The following CRYZ variants were observed in gnomAD, a reference collection of about 807,000 sequenced individuals.
The protein encoded by CRYZ is zeta-crystallin.
Under a neutral mutation model 34.1 loss-of-function variants are expected in CRYZ, and 35 were observed. That is an observed-to-expected ratio of 1.03 (90% CI 0.78 to 1.36). The LOEUF (loss-of-function observed/expected upper bound fraction) is 1.36, where lower values mean the gene tolerates loss of function less well. CRYZ is among the 40% of genes most tolerant of loss of function. CRYZ has a pLI of 0.00. For missense variants in CRYZ, 403 were observed against 391.8 expected (o/e 1.03, Z -0.24); for synonymous variants, 137 against 136.5 (o/e 1.00, Z -0.03).
At chr1:74,720,818 T>C (rs546482904) in intron 3 of CRYZ, among the ~76,000 whole-genome samples, 10 of 152,222 alleles carry the variant, frequency 6.6e-5, no homozygotes, top group East Asian at 1.9e-4. Context: ...TTTCAAGTTA[T>C]GTGAGGCACA....
chr1:74,709,041 T>C (rs1202720196), intron 6 of CRYZ, among the ~76,000 whole-genome samples: 2 of 152,172 alleles, frequency 1.3e-5, no homozygotes, highest in East Asian at 3.9e-4. Context: ...TGGGAAGCAG[T>C]ATAAATACTT....
At chr1:74,726,206 T>C (rs1466908077) in intron 1 of CRYZ, among the ~76,000 whole-genome samples, 1 of 152,210 alleles carries the variant, frequency 6.6e-6, no homozygotes, top group Non-Finnish European at 1.5e-5. Flanking sequence ...AGCCCACATT[T>C]CCCTTCTGCA....
At chr1:74,722,990 T>C in intron 3 of CRYZ, 128 bp downstream of exon 3, 1 of 831,124 alleles carries the variant, frequency 1.2e-6, no homozygotes, top group Non-Finnish European at 1.9e-6. Context: ...ACTAGAGGAG[T>C]CCCCCGAGTG....
intron 1 of CRYZ, among the ~76,000 whole-genome samples, chr1:74,730,869 G>A (rs902762958): frequency 5.3e-5 from 8 of 152,100 alleles, no homozygotes; most frequent in African/African-American, 9.7e-5. Flanking sequence ...AGGTAGAATC[G>A]CATATTTTAT....
chr1:74,725,215 T>A (rs1557732970), intron 1 of CRYZ, among the ~76,000 whole-genome samples: 1 of 152,212 alleles, frequency 6.6e-6, no homozygotes, highest in Non-Finnish European at 1.5e-5. Context: ...TATGAAACAT[T>A]CCAAACATTT....
At position 74,727,208 on chromosome 1, in the gene CRYZ, G is replaced by A. The variant is rs141860340; in HGVS notation, c.-13-2374C>T. ...CCCACTCTAATGGTACCTATTTACC[G>A]TATTAGTTCATTTTCATATGGCTAT... On this transcript the variant is annotated intron_variant, in intron 1 of 8. Coordinates refer to ENST00000340866, the MANE Select transcript of CRYZ (RefSeq NM_001889.4). 1.6e-4 allele frequency among the ~76,000 whole-genome samples: 24 copies of A among 148,404 alleles called. No homozygotes were observed. In the East Asian group the frequency reaches 3.1e-3, roughly 19 times the overall value.
At chr1:74,722,675 T>C (rs28459619) in intron 3 of CRYZ, among the ~76,000 whole-genome samples, 12,962 of 152,032 alleles carry the variant, frequency 0.085, 845 homozygotes, top group African/African-American at 0.18. Flanking sequence ...TCCAAAACTG[T>C]ATAGTGACCT....
intron 6 of CRYZ, 118 bp downstream of exon 6, chr1:74,709,980 G>A (rs2032969): frequency 0.18 from 133,030 of 735,690 alleles, 19,834 homozygotes; most frequent in East Asian, 0.71. Flanking sequence ...AAAATTCATC[G>A]CACTGAAAAA....
chr1:74,730,290 C>A (rs1328218444), intron 1 of CRYZ: 1 of 152,208 alleles, frequency 6.6e-6, no homozygotes, highest in East Asian at 1.9e-4. Flanking sequence ...CACACTATCT[C>A]CTACTTTGCT....
intron 3 of CRYZ, among the ~76,000 whole-genome samples, 158 bp from the exon 4 acceptor site, chr1:74,719,530 C>G (rs1251022446): frequency 6.6e-6 from 1 of 151,548 alleles, no homozygotes; most frequent in Admixed American, 6.6e-5. Context: ...GAGTCTTGCA[C>G]TGTCACCCAG....
intron 1 of CRYZ, among the ~76,000 whole-genome samples, chr1:74,728,969 G>A (rs1219880679): frequency 2.0e-5 from 3 of 152,108 alleles, no homozygotes; most frequent in African/African-American, 7.2e-5. Context: ...AAACAGTCCA[G>A]TCCTACTCAG....
At chr1:74,731,516 TGG>T (rs1036450723) in intron 1 of CRYZ, among the ~76,000 whole-genome samples, 1 of 152,202 alleles carries the variant, frequency 6.6e-6, no homozygotes, top group African/African-American at 2.4e-5. Context: ...GAATTACAAG[TGG>T]TCAGAGAAAG....
In CRYZ at chr1:74,707,209, A is replaced by C. The variant is rs1646942679; in HGVS notation, c.631-5T>G. The C allele has an allele frequency of 6.9e-7, 1 of 1,443,790 alleles. No individual in the cohort carries two copies. The allele number at this position is 1,443,790 out of a possible 1,614,324, so 89.4% of individuals were successfully genotyped here. A position where few individuals can be genotyped will look rare whatever the true frequency, so the allele number is the denominator to read the frequency against. ...TCCTTTCTCACCAACATACTTCTAT[A>C]TAATAAAAGAGAAATGTAGAGTAAG... On this transcript the variant is annotated splice_region_variant and splice_polypyrimidine_tract_variant and intron_variant, in intron 6 of 8. Coordinates refer to ENST00000340866, the MANE Select transcript of CRYZ (RefSeq NM_001889.4).
intron 4 of CRYZ, 142 bp from the exon 5 acceptor site, chr1:74,714,772 A>G (rs370178975): frequency 1.4e-6 from 1 of 691,856 alleles, no homozygotes; most frequent in East Asian, 2.7e-5. Flanking sequence ...TACAGCCCCA[A>G]ATATTCCCTA....
chr1:74,729,107 T>A (rs1647545969), intron 1 of CRYZ, among the ~76,000 whole-genome samples: 1 of 148,860 alleles, frequency 6.7e-6, no homozygotes, highest in Non-Finnish European at 1.5e-5. Flanking sequence ...ATGGTGGATA[T>A]AAGAACATAG....
rs1569961455 is a variant in CRYZ, at chr1:74,706,330, C to T, written c.956G>A (p.Ser319Asn). The change falls in exon 9 of 9, where the codon AGT (serine) becomes AAT (asparagine). Residue 319 changes from serine to asparagine, a missense_variant. Coordinates refer to ENST00000340866, the MANE Select transcript of CRYZ (RefSeq NM_001889.4). ...AAGAATCATTTTTCCAGTAGCCCCA[C>T]TACCATGAATGATATTTTCATGAGC... The part of the protein sequence containing the change: ...AEAHENIIHG[S>N]GATGKMILLL 6 of 1,610,800 alleles carry T rather than the reference C, an allele frequency of 3.7e-6. No individual in the cohort carries two copies. The East Asian group carries it at 1.1e-4, about 30-fold the overall frequency.
intron 4 of CRYZ, among the ~76,000 whole-genome samples, chr1:74,718,160 A>G (rs1647102349): frequency 6.6e-6 from 1 of 152,016 alleles, no homozygotes; most frequent in African/African-American, 2.4e-5. Flanking sequence ...GTTCTTCCTC[A>G]TTCTCTACCT....
chr1:74,722,620 G>A lies in CRYZ; in HGVS notation c.264+498C>T, dbSNP rs28608106. 8.5e-3 allele frequency among the ~76,000 whole-genome samples: 1,288 copies of A among 151,438 alleles called. 15 individuals carry two copies. Among genetic ancestry groups the A allele is most frequent in the African/African-American group, 0.029 (1,211 of 41,282 alleles). ...TATATATATATATATGTGTGTGTGT[G>A]TATATATATATATCCTGAGCATAAC... On this transcript the variant is annotated intron_variant, in intron 3 of 8. Coordinates refer to ENST00000340866, the MANE Select transcript of CRYZ (RefSeq NM_001889.4).
chr1:74,721,808 T>C (rs914790327), intron 3 of CRYZ, among the ~76,000 whole-genome samples: 5 of 152,220 alleles, frequency 3.3e-5, no homozygotes, highest in Non-Finnish European at 7.3e-5. Context: ...AGGTTGATCA[T>C]GTGAGTCTAG....
Sources: allele counts gnomAD v4.1 joint callset (sites outside exome capture counted in the v4.1 genomes callset), GRCh38; gene constraint gnomAD v4.1.1; transcripts MANE v1.5; gene names NCBI Gene and HGNC (gene_info 2026-07-23, HGNC 2026-07-21).